TAF15: variants seen among roughly 807,000 people sequenced by gnomAD.
The protein encoded by TAF15 is TATA-binding protein-associated factor 2N.
In TAF15, 37 loss-of-function variants were observed where a neutral mutation model predicts 102.5. That is an observed-to-expected ratio of 0.36 (90% CI 0.28 to 0.47). The LOEUF is 0.47. Among genes scored for constraint, TAF15 ranks in the 20% least tolerant of loss-of-function variants. The pLI is 0.99. For missense variants in TAF15, 652 were observed against 760.7 expected, an observed-to-expected ratio of 0.86 and a Z score of 1.68; for synonymous variants, 273 against 259.2, an observed-to-expected ratio of 1.05 and a Z score of -0.51.
intron 7 of TAF15, among the ~76,000 whole-genome samples, chr17:35,832,544 G>T (rs1047107940): frequency 6.6e-6 from 1 of 152,042 alleles, no homozygotes; most frequent in African/African-American, 2.4e-5. Flanking sequence ...AGAGTTGAGG[G>T]TTCCTCCCCC....
intron 7 of TAF15, among the ~76,000 whole-genome samples, chr17:35,828,346 T>C (rs1235163332): frequency 6.6e-6 from 1 of 152,246 alleles, no homozygotes; most frequent in African/African-American, 2.4e-5. Context: ...AATTTTCTAA[T>C]AGCCACATTA....
intron 12 of TAF15, 131 bp from the exon 13 acceptor site, chr17:35,843,946 T>A: frequency 1.2e-6 from 1 of 847,830 alleles, no homozygotes. Flanking sequence ...TACAAAGTCC[T>A]GGTATAAGGG....
At chr17:35,819,946 G>C in intron 2 of TAF15, 78 bp from the exon 3 acceptor site, 1 of 1,300,418 alleles carries the variant, frequency 7.7e-7, no homozygotes. Context: ...GTTGAAAGTT[G>C]AAAATGAAGG....
In TAF15 at chr17:35,844,602, G is replaced by A; in HGVS notation, c.1303G>A (p.Gly435Ser). 1 of 1,599,374 alleles carries A rather than the reference G, an allele frequency of 6.3e-7. No homozygotes were observed. The highest frequency in any genetic ancestry group is 8.5e-7 in the Non-Finnish European group (1 of 1,172,306). ...CTATGGTGGAGACAGAAGCAGCGGT[G>A]GTGGCTACAGCGGAGATAGAAGTGG... Reference protein sequence around the residue: ...GGYGGDRSSGGGYSGDRSGGG... With the variant: ...GGYGGDRSSGSGYSGDRSGGG... The change falls in exon 15 of 16, where the codon GGT (glycine) becomes AGT (serine). Residue 435 changes from glycine (G) to serine (S), a missense_variant. Around this residue, in one of 3 missense-constraint regions of TAF15, gnomAD observed 368 missense variants for 367.5 expected, o/e 1.00. Coordinates refer to ENST00000605844, the MANE Select transcript of TAF15 (RefSeq NM_139215.3).
At position 35,842,352 on chromosome 17, in the gene TAF15, T is replaced by C. The variant is rs1348368174; in HGVS notation, c.914-15T>C. The C allele has an allele frequency of 1.9e-6, 3 of 1,605,348 alleles. No homozygotes were observed. Among genetic ancestry groups the C allele is most frequent in the Admixed American group, 1.7e-5 (1 of 59,946 alleles). On this transcript the variant is annotated splice_polypyrimidine_tract_variant and intron_variant, in intron 11 of 15. Coordinates refer to ENST00000605844, the MANE Select transcript of TAF15 (RefSeq NM_139215.3). The stretch of plus-strand genomic sequence containing the variant: ...TAGAGTAGCATTGCTTCAAAGCTGA[T>C]TTCTTTTTTCTTAGGAAAAGAATTC...
chr17:35,836,654 C>G (rs2087478515), intron 10 of TAF15, among the ~76,000 whole-genome samples: 1 of 152,160 alleles, frequency 6.6e-6, no homozygotes, highest in African/African-American at 2.4e-5. Flanking sequence ...ACTAAAGCGT[C>G]TTTTGCACTA....
intron 3 of TAF15, 30 bp downstream of exon 3, chr17:35,820,105 TAA>T: frequency 6.2e-7 from 1 of 1,613,854 alleles, no homozygotes; most frequent in South Asian, 1.1e-5. Context: ...GTATTCTTCA[TAA>T]GTAGTTATTT....
intron 1 of TAF15, among the ~76,000 whole-genome samples, chr17:35,813,183 A>G (rs2087147751): frequency 6.6e-6 from 1 of 152,072 alleles, no homozygotes; most frequent in South Asian, 2.1e-4. Flanking sequence ...TTGAAAAAGA[A>G]TCAAGTAAAA....
intron 1 of TAF15, among the ~76,000 whole-genome samples, chr17:35,813,117 C>CAAAAAA (rs55754009): frequency 1.0e-4 from 6 of 58,836 alleles, no homozygotes; most frequent in Admixed American, 3.8e-4. Flanking sequence ...GACTCTGTCT[C>CAAAAAA]AAAAAAAAAA....
intron 8 of TAF15, 74 bp downstream of exon 8, chr17:35,834,015 T>A: frequency 6.5e-7 from 1 of 1,543,498 alleles, no homozygotes; most frequent in Non-Finnish European, 8.9e-7. Context: ...ATCCCGCAGA[T>A]GTAGTCAAAA....
rs1339872184 is a variant in TAF15 at position 35,844,711 on chromosome 17, A to G, written c.1412A>G (p.Tyr471Cys). ...GGYGGDRGGG[Y>C]GGDRGGGYGG... ...TATGGTGGGGACAGAGGAGGCGGCT[A>G]TGGAGGAGACCGAGGAGGTGGCTAT... Residue 471 changes from tyrosine (Y) to cysteine (C), a missense_variant, in exon 15 of 16, where the codon TAT becomes TGT. This residue lies in a region of TAF15 where 368 missense variants were observed against 367.5 expected (regional missense o/e 1.00). Transcript: ENST00000605844. The G allele has an allele frequency of 2.5e-6, 4 of 1,597,574 alleles. No individual in the cohort carries two copies. Among genetic ancestry groups the G allele is most frequent in the East Asian group, 2.2e-5 (1 of 44,454 alleles).
intron 11 of TAF15, among the ~76,000 whole-genome samples, chr17:35,840,127 C>T (rs187683484): frequency 4.6e-5 from 7 of 152,164 alleles, no homozygotes; most frequent in East Asian, 3.9e-4. Flanking sequence ...CAAACTCAGC[C>T]GTGCTGGATC....
Position 35,844,694 on chromosome 17 carries a change from G to A in TAF15, c.1395G>A (p.Gly465=), listed in dbSNP as rs752540814. 28 of 1,601,294 alleles carry A rather than the reference G, an allele frequency of 1.7e-5. No homozygotes were observed. In the East Asian group the frequency reaches 3.7e-4, roughly 21 times the overall value. The change falls in exon 15 of 16, where the codon GGG becomes GGA. Residue 465 remains glycine (G), a synonymous_variant. Transcript: ENST00000605844. ...GGGACAGAGGCGGCGGCTATGGTGG[G>A]GACAGAGGAGGCGGCTATGGAGGAG... The part of the protein sequence containing the change: ...YGGDRGGGYG[G]DRGGGYGGDR...
intron 7 of TAF15, among the ~76,000 whole-genome samples, chr17:35,832,954 G>T (rs954678572): frequency 2.0e-5 from 3 of 152,052 alleles, no homozygotes; most frequent in African/African-American, 7.2e-5. Context: ...GCCAGGAGCT[G>T]GAGATCAACT....
At chr17:35,829,139 G>A (rs980258827) in intron 7 of TAF15, among the ~76,000 whole-genome samples, 1 of 152,060 alleles carries the variant, frequency 6.6e-6, no homozygotes. Context: ...TTGTATTCTG[G>A]ATTTAGTAGT....
chr17:35,841,945 ATC>A (rs2087553004), intron 11 of TAF15, among the ~76,000 whole-genome samples: 1 of 151,928 alleles, frequency 6.6e-6, no homozygotes, highest in African/African-American at 2.4e-5. Flanking sequence ...TGAGGCTTCT[ATC>A]TCAGCCTCCA....
chr17:35,822,719 C>A lies in TAF15; in HGVS notation c.370C>A (p.Gln124Lys), dbSNP rs747804787. The A allele has an allele frequency of 3.1e-6, 5 of 1,614,168 alleles. No homozygotes were observed. Among genetic ancestry groups the A allele is most frequent in the Non-Finnish European group, 4.2e-6 (5 of 1,180,042 alleles). ...ATATGACCAGCAGTCAGGCTATGAT[C>A]AACATCAAGGCTCATATGATGAGCA... Reference protein sequence around the residue: ...DSYDQQSGYDQHQGSYDEQSN... With the variant: ...DSYDQQSGYDKHQGSYDEQSN... Residue 124 changes from glutamine to lysine, a missense_variant, in exon 6 of 16, where the codon CAA (glutamine) becomes AAA (lysine). Around this residue, in one of 3 missense-constraint regions of TAF15, gnomAD observed 243 missense variants for 284.1 expected, o/e 0.86. Transcript: ENST00000605844.
At chr17:35,839,553 T>G (rs898503253) in intron 11 of TAF15, among the ~76,000 whole-genome samples, 1 of 151,796 alleles carries the variant, frequency 6.6e-6, no homozygotes, top group African/African-American at 2.4e-5. Context: ...TGCTAATTTT[T>G]TTGTATTTTT....
chr17:35,816,108 T>A (rs1398201395), intron 1 of TAF15, among the ~76,000 whole-genome samples: 1 of 152,100 alleles, frequency 6.6e-6, no homozygotes, highest in African/African-American at 2.4e-5. Flanking sequence ...ATTACAGGGA[T>A]GAGCCACTAC....
Sources: gnomAD v4.1 joint callset for allele counts (sites outside exome capture counted in the v4.1 genomes callset) on GRCh38, gnomAD v4.1.1 for gene constraint, gnomAD v4.1.1 regional missense constraint, MANE v1.5 for transcripts, NCBI Gene and HGNC (gene_info 2026-07-23, HGNC 2026-07-21) for gene names.